Variants in SCYL3 observed in about 807,000 individuals in gnomAD.
The protein encoded by SCYL3 is SCY1 like pseudokinase 3, also known as protein-associating with the carboxyl-terminal domain of ezrin.
Under a neutral mutation model 73.8 loss-of-function variants are expected in SCYL3, and 35 were observed. The ratio of observed to expected loss-of-function variants is 0.47; its 90% CI spans 0.36 to 0.63. SCYL3 has a LOEUF of 0.63. Among genes scored for constraint, SCYL3 ranks in the 20% least tolerant of loss-of-function variants. The pLI, the probability that SCYL3 is intolerant of heterozygous loss-of-function variation, is 0.00. For missense variants in SCYL3, 712 were observed against 798.9 expected (o/e 0.89, Z 1.31); for synonymous variants, 277 against 295.2 (o/e 0.94, Z 0.63).
chr1:169,871,476 C>T (rs1007400604), intron 5 of SCYL3, among the ~76,000 whole-genome samples: 2 of 152,196 alleles, frequency 1.3e-5, no homozygotes, highest in African/African-American at 4.8e-5. Context: ...ATTGCCCAGT[C>T]TTGGGTATGT....
chr1:169,869,706 G>A (rs1172044369), intron 6 of SCYL3, among the ~76,000 whole-genome samples: 1 of 152,208 alleles, frequency 6.6e-6, no homozygotes, highest in East Asian at 1.9e-4. Flanking sequence ...AGTGAAGCAG[G>A]CTGCCAAGCA....
chr1:169,884,566 G>A (rs1028351862), intron 2 of SCYL3, among the ~76,000 whole-genome samples: 1 of 152,184 alleles, frequency 6.6e-6, no homozygotes, highest in African/African-American at 2.4e-5. Flanking sequence ...CCAAAGTGCT[G>A]GACTTATAGG....
intron 11 of SCYL3, among the ~76,000 whole-genome samples, chr1:169,857,802 C>G (rs1659304967): frequency 6.6e-6 from 1 of 152,110 alleles, no homozygotes; most frequent in African/African-American, 2.4e-5. Flanking sequence ...CGATTTTGTC[C>G]TTGTATAAAC....
In SCYL3 at chr1:169,854,409, G is replaced by GCAAAC. The variant is rs1330753771; in HGVS notation, c.1863_1867dup (p.Ala623GlyfsTer5). On this transcript the variant is annotated frameshift_variant, in exon 12 of 13. Transcript: ENST00000367771. LOFTEE classifies it high-confidence loss of function. ...AGGCTTAATTTCTGGGATCATATCA[G>GCAAAC]CAAACCAATCCATCTCAGGATCTTT... 4 of 1,613,946 alleles carry GCAAAC rather than the reference G, an allele frequency of 2.5e-6. No individual in the cohort carries two copies. The African/African-American group carries it at 4.0e-5, about 16-fold the overall frequency.
chr1:169,868,908 AC>A lies in SCYL3; in HGVS notation c.737+19del, dbSNP rs1256416970. On this transcript the variant is annotated intron_variant, in intron 7 of 12. Coordinates refer to ENST00000367771, the MANE Select transcript of SCYL3 (RefSeq NM_020423.7). The stretch of plus-strand genomic sequence containing the variant: ...CAGTGTTCCGGAAGCAGCTGGCGTC[AC>A]CACACCAGATGCCCTCACCTGAAGA... 1 of 1,570,068 alleles carries A rather than the reference AC, an allele frequency of 6.4e-7. No individual in the cohort carries two copies. The highest frequency in any genetic ancestry group is 2.2e-5 in the East Asian group (1 of 44,600).
chr1:169,867,561 G>A (rs558288373), intron 7 of SCYL3, among the ~76,000 whole-genome samples: 14 of 152,244 alleles, frequency 9.2e-5, no homozygotes, highest in African/African-American at 2.6e-4. Context: ...CAGATGCTCC[G>A]GCATACAAGC....
rs751263683 is a variant in SCYL3 at position 169,859,070 on chromosome 1, A to G, written c.1283T>C (p.Phe428Ser). The G allele has an allele frequency of 1.9e-6, 3 of 1,613,546 alleles. No individual in the cohort carries two copies. The highest frequency in any genetic ancestry group is 2.5e-6 in the Non-Finnish European group (3 of 1,179,876). ...TKIFKRTAPS[F>S]TKNTDLSLEG... ...TAGAGAAAGGTCAGTATTTTTAGTA[A>G]AACTTGGGGCAGTGCGTTTGAAGAT... The change falls in exon 11 of 13, where the codon TTT becomes TCT. Residue 428 changes from phenylalanine to serine, a missense_variant. Coordinates refer to ENST00000367771, the MANE Select transcript of SCYL3 (RefSeq NM_020423.7).
chr1:169,880,843 C>A (rs376069446), intron 2 of SCYL3, among the ~76,000 whole-genome samples: 1 of 149,760 alleles, frequency 6.7e-6, no homozygotes, highest in East Asian at 2.0e-4. Context: ...CTGACTGCAA[C>A]CTCCGCCTCC....
rs371583895 is a variant in SCYL3, at chr1:169,849,650, A to G, written c.*4063T>C. On this transcript the variant is annotated 3_prime_UTR_variant, in exon 13 of 13. Transcript: ENST00000367771. ...TCACAGTGACTTTCAAACCATTTTA[A>G]TATTTCAAATATTCCAGAACAATCC... 138 of 1,393,106 alleles carry G rather than the reference A, an allele frequency of 9.9e-5. No homozygotes were observed. The highest frequency in any genetic ancestry group is 1.9e-4 in the Admixed American group (11 of 57,272). The allele number at this position is 1,393,106 out of a possible 1,614,324, so 86.3% of individuals were successfully genotyped here. A position where few individuals can be genotyped will look rare whatever the true frequency, so the allele number is the denominator to read the frequency against.
At chr1:169,856,453 G>GTT in intron 11 of SCYL3, among the ~76,000 whole-genome samples, 1 of 152,280 alleles carries the variant, frequency 6.6e-6, no homozygotes, top group Admixed American at 6.5e-5. Flanking sequence ...GTCCTTAACA[G>GTT]TTTGCCAGAA....
chr1:169,872,126 C>G (rs1660447720), intron 5 of SCYL3, among the ~76,000 whole-genome samples: 1 of 152,212 alleles, frequency 6.6e-6, no homozygotes, highest in Non-Finnish European at 1.5e-5. Context: ...TCATGGCAGC[C>G]CCTCCCATCA....
At position 169,878,058 on chromosome 1, in the gene SCYL3, G is replaced by T. The variant is rs372400333; in HGVS notation, c.351+576C>A. On this transcript the variant is annotated intron_variant, in intron 3 of 12. Coordinates refer to ENST00000367771, the MANE Select transcript of SCYL3 (RefSeq NM_020423.7). Reference sequence around the variant, plus strand: ...AGTAATACTGTCAAGAAACAGACCAGAAGTAAACCTAGGAACCATCTTCTA... The same window carrying T: ...AGTAATACTGTCAAGAAACAGACCATAAGTAAACCTAGGAACCATCTTCTA... 5.9e-5 allele frequency among the ~76,000 whole-genome samples: 9 copies of T among 152,224 alleles called. No homozygotes were observed. The East Asian group carries it at 1.7e-3, about 29-fold the overall frequency.
At chr1:169,882,901 G>T (rs1661397117) in intron 2 of SCYL3, among the ~76,000 whole-genome samples, 2 of 152,152 alleles carry the variant, frequency 1.3e-5, no homozygotes, top group South Asian at 4.1e-4. Context: ...TGTGGGTCGG[G>T]CCGGATAAGA....
chr1:169,863,972 C>T (rs747469155), intron 9 of SCYL3, among the ~76,000 whole-genome samples: 11 of 152,052 alleles, frequency 7.2e-5, no homozygotes, highest in Non-Finnish European at 1.6e-4. Flanking sequence ...CTTGAAGCCC[C>T]AGGAAGTAAA....
chr1:169,872,176 C>T (rs771769253), intron 5 of SCYL3, among the ~76,000 whole-genome samples: 2 of 152,298 alleles, frequency 1.3e-5, no homozygotes, highest in South Asian at 2.1e-4. Flanking sequence ...GTTTCATGGG[C>T]GAGGCCCAGG....
rs1658587851 is a variant in SCYL3, at chr1:169,852,861, A to G, written c.*852T>C. ...ACAGGTCAGCGCTGCATACAATAGCAGGGGCTTTGGAAGCAACTGAGTCAC... is the reference window on the plus strand; with the variant it reads ...ACAGGTCAGCGCTGCATACAATAGCGGGGGCTTTGGAAGCAACTGAGTCAC... On this transcript the variant is annotated 3_prime_UTR_variant, in exon 13 of 13. Coordinates refer to ENST00000367771, the MANE Select transcript of SCYL3 (RefSeq NM_020423.7). The G allele has an allele frequency of 6.2e-7, 1 of 1,614,142 alleles. No homozygotes were observed. The highest frequency in any genetic ancestry group is 1.3e-5 in the African/African-American group (1 of 75,036).
At chr1:169,866,718 T>C (rs946952766) in intron 8 of SCYL3, among the ~76,000 whole-genome samples, 178 bp downstream of exon 8, 1 of 152,220 alleles carries the variant, frequency 6.6e-6, no homozygotes. Flanking sequence ...TGGGTATCTA[T>C]TTCTTTCACC....
intron 2 of SCYL3, among the ~76,000 whole-genome samples, chr1:169,885,226 T>C (rs779387131): frequency 3.4e-4 from 52 of 152,246 alleles, no homozygotes; most frequent in Non-Finnish European, 5.7e-4. Flanking sequence ...TCAATGATGA[T>C]ATTTTTCTAC....
intron 10 of SCYL3, 140 bp from the exon 11 acceptor site, chr1:169,859,352 C>T (rs1659447554): frequency 2.9e-6 from 2 of 695,398 alleles, no homozygotes; most frequent in Non-Finnish European, 4.4e-6. Context: ...GTCAGTGGCT[C>T]TCAAACTACC....
Sources: gnomAD v4.1 joint callset for allele counts (sites outside exome capture counted in the v4.1 genomes callset) on GRCh38, gnomAD v4.1.1 for gene constraint, MANE v1.5 for transcripts, NCBI Gene and HGNC (gene_info 2026-07-23, HGNC 2026-07-21) for gene names.